The following GRM7 variants were observed in gnomAD, a reference collection of about 807,000 sequenced individuals.
The protein encoded by GRM7 is metabotropic glutamate receptor 7.
A neutral mutation model predicts 84.5 loss-of-function variants in GRM7; 35 were observed. The ratio of observed to expected loss-of-function variants is 0.41; its 90% CI spans 0.32 to 0.55. The LOEUF (loss-of-function observed/expected upper bound fraction) is 0.55, where lower values mean the gene tolerates loss of function less well. Among genes scored for constraint, GRM7 ranks in the 20% least tolerant of loss-of-function variants. GRM7 has a pLI of 0.19. For missense variants in GRM7, 1,003 were observed against 1,194.6 expected, an observed-to-expected ratio of 0.84 and a Z score of 2.36; for synonymous variants, 487 against 455.1, an observed-to-expected ratio of 1.07 and a Z score of -0.89.
chr3:7,306,866 T>C (rs1017313396), intron 4 of GRM7, among the ~76,000 whole-genome samples: 2 of 152,186 alleles, frequency 1.3e-5, no homozygotes, highest in Non-Finnish European at 2.9e-5. Flanking sequence ...TTTCATAATA[T>C]CACGATTAGC....
chr3:7,614,124 G>A (rs1354492030), intron 8 of GRM7, among the ~76,000 whole-genome samples: 1 of 152,084 alleles, frequency 6.6e-6, no homozygotes, highest in African/African-American at 2.4e-5. Flanking sequence ...AATTAGCCGG[G>A]CATGGTGGTG....
chr3:7,100,034 C>T (rs896793537), intron 1 of GRM7, among the ~76,000 whole-genome samples: 32 of 148,734 alleles, frequency 2.2e-4, no homozygotes, highest in African/African-American at 7.4e-4. Context: ...CATATATATG[C>T]ATATGTATAT....
chr3:7,043,960 A>G (rs1696715995), intron 1 of GRM7, among the ~76,000 whole-genome samples: 1 of 152,202 alleles, frequency 6.6e-6, no homozygotes, highest in Admixed American at 6.5e-5. Context: ...GAATACAGGC[A>G]TGTACCGCCC....
At chr3:7,116,839 A>G (rs1227186313) in intron 1 of GRM7, among the ~76,000 whole-genome samples, 3 of 152,186 alleles carry the variant, frequency 2.0e-5, no homozygotes, top group Non-Finnish European at 4.4e-5. Flanking sequence ...GAAAGGGATC[A>G]GGCATTAAAT....
intron 8 of GRM7, among the ~76,000 whole-genome samples, chr3:7,667,502 T>C (rs886536485): frequency 1.3e-5 from 2 of 152,118 alleles, no homozygotes; most frequent in African/African-American, 2.4e-5. Flanking sequence ...AATAGAGAAA[T>C]TGCCATTAAA....
intron 2 of GRM7, among the ~76,000 whole-genome samples, chr3:7,287,393 C>G (rs529647184): frequency 6.6e-6 from 1 of 152,224 alleles, no homozygotes; most frequent in African/African-American, 2.4e-5. Context: ...TTATCTCATA[C>G]GCTTAGAAAA....
chr3:7,594,722 T>C (rs1316685712), intron 8 of GRM7, among the ~76,000 whole-genome samples: 1 of 152,102 alleles, frequency 6.6e-6, no homozygotes, highest in Non-Finnish European at 1.5e-5. Context: ...TGATTTGAGA[T>C]TCCAGACACA....
Position 7,626,878 on chromosome 3 carries a change from A to G in GRM7, c.2451+47521A>G, listed in dbSNP as rs1363802606. Among the ~76,000 whole-genome samples, 6 of 151,842 alleles carry G rather than the reference A, an allele frequency of 4.0e-5. No homozygotes were observed. The East Asian group carries it at 1.2e-3, about 29-fold the overall frequency. The stretch of plus-strand genomic sequence containing the variant: ...TTTTGTCATGTCAAGACCGAACATT[A>G]TTAATGTTTGCAATAGCCCAGGTCC... On this transcript the variant is annotated intron_variant, in intron 8 of 9. Coordinates refer to ENST00000357716, the MANE Select transcript of GRM7 (RefSeq NM_000844.4).
At chr3:7,663,865 T>C (rs997146282) in intron 8 of GRM7, among the ~76,000 whole-genome samples, 4 of 152,174 alleles carry the variant, frequency 2.6e-5, no homozygotes, top group Non-Finnish European at 5.9e-5. Context: ...AAGAGGAAAC[T>C]AGAATTTAGA....
At chr3:7,123,137 A>G (rs1236540973) in intron 1 of GRM7, among the ~76,000 whole-genome samples, 2 of 152,124 alleles carry the variant, frequency 1.3e-5, no homozygotes, top group African/African-American at 4.8e-5. Context: ...TGCTCCTTTC[A>G]TTTCTTCCTT....
At chr3:7,257,253 C>A (rs974394047) in intron 2 of GRM7, among the ~76,000 whole-genome samples, 1 of 152,248 alleles carries the variant, frequency 6.6e-6, no homozygotes, top group Non-Finnish European at 1.5e-5. Flanking sequence ...AAGGAAGTAT[C>A]CTTTTTATGA....
chr3:7,244,685 T>G (rs1485532775), intron 2 of GRM7, among the ~76,000 whole-genome samples: 1 of 152,078 alleles, frequency 6.6e-6, no homozygotes, highest in African/African-American at 2.4e-5. Context: ...ATTTCACCAC[T>G]GCTAGAACAA....
rs554321066 is a variant in GRM7 at position 7,164,333 on chromosome 3, T to C, written c.736+17665T>C. 7.2e-5 allele frequency among the ~76,000 whole-genome samples: 11 copies of C among 152,322 alleles called. No homozygotes were observed. In the South Asian group the frequency reaches 2.3e-3, roughly 32 times the overall value. ...AAGATCACGCCACTGCACTCCAGCC[T>C]GGACGACAGAGCGAGGCTCCCTCTC... On this transcript the variant is annotated intron_variant, in intron 2 of 9. Transcript: ENST00000357716.
intron 7 of GRM7, among the ~76,000 whole-genome samples, chr3:7,571,745 G>A (rs938079642): frequency 6.6e-5 from 10 of 152,080 alleles, no homozygotes; most frequent in Non-Finnish European, 1.5e-4. Context: ...CCTCTCTACT[G>A]GTACCAGTTT....
chr3:7,446,089 G>A (rs6782718), intron 5 of GRM7, among the ~76,000 whole-genome samples: 53,932 of 151,996 alleles, frequency 0.35, 10,996 homozygotes, highest in Non-Finnish European at 0.48. Context: ...TAAGTTAATT[G>A]TATGCTGTTA....
At chr3:6,955,213 A>G (rs1002555571) in intron 1 of GRM7, among the ~76,000 whole-genome samples, 4 of 152,214 alleles carry the variant, frequency 2.6e-5, no homozygotes, top group African/African-American at 9.6e-5. Context: ...ATTATAAAGA[A>G]TAATACTGCA....
chr3:7,292,772 T>C (rs1028237541), intron 2 of GRM7, among the ~76,000 whole-genome samples: 2 of 150,726 alleles, frequency 1.3e-5, no homozygotes, highest in African/African-American at 4.9e-5. Context: ...GGCTCACGCC[T>C]GTAATCCCAG....
intron 1 of GRM7, among the ~76,000 whole-genome samples, chr3:7,099,103 TATGATTGAATCA>T (rs2125017498): frequency 6.6e-6 from 1 of 151,680 alleles, no homozygotes; most frequent in East Asian, 1.9e-4. Context: ...CTTTAACTGT[TATGATTGAATCA>T]ATGATTGAAT....
chr3:7,297,688 G>C (rs977727173), intron 2 of GRM7, among the ~76,000 whole-genome samples: 5 of 152,158 alleles, frequency 3.3e-5, no homozygotes, highest in African/African-American at 4.8e-5. Context: ...CATGTTCTAG[G>C]TGTGAGCTTG....
Sources: allele counts gnomAD v4.1 joint callset (sites outside exome capture counted in the v4.1 genomes callset), GRCh38; gene constraint gnomAD v4.1.1; transcripts MANE v1.5; gene names NCBI Gene and HGNC (gene_info 2026-07-23, HGNC 2026-07-21).